Variants in RCSD1 observed in about 807,000 individuals in gnomAD.
RCSD1 encodes capZ-interacting protein.
A neutral mutation model predicts 42.5 loss-of-function variants in RCSD1; 26 were observed. The ratio of observed to expected loss-of-function variants is 0.61; its 90% CI spans 0.45 to 0.85. The LOEUF (loss-of-function observed/expected upper bound fraction) is 0.85, where lower values mean the gene tolerates loss of function less well. Among genes scored for constraint, RCSD1 ranks in the 40% least tolerant of loss-of-function variants. The probability of loss-of-function intolerance (pLI) is 0.00; values close to 1 mark genes in which losing one functional copy is unlikely to be tolerated. For missense variants in RCSD1, 571 were observed against 528.3 expected, an observed-to-expected ratio of 1.08 and a Z score of -0.79; for synonymous variants, 220 against 212.2, an observed-to-expected ratio of 1.04 and a Z score of -0.32.
intron 1 of RCSD1, among the ~76,000 whole-genome samples, chr1:167,681,011 A>T (rs777238316): frequency 2.0e-5 from 3 of 152,222 alleles, no homozygotes; most frequent in Non-Finnish European, 4.4e-5. Flanking sequence ...GAGAGGGGTT[A>T]GCAGCTGTAC....
intron 1 of RCSD1, chr1:167,641,398 C>T (rs1309169879): frequency 6.6e-6 from 1 of 152,126 alleles, no homozygotes; most frequent in Non-Finnish European, 1.5e-5. Flanking sequence ...TAGAGATGCA[C>T]CAAGACGCTA....
At position 167,639,901 on chromosome 1, in the gene RCSD1, G is replaced by A. The variant is rs148833254; in HGVS notation, c.6+9472G>A. 5.2e-3 allele frequency among the ~76,000 whole-genome samples: 794 copies of A among 152,322 alleles called. 5 individuals are homozygous for A. Among genetic ancestry groups the A allele is most frequent in the Middle Eastern group, 0.024 (7 of 294 alleles). ...TTGTTCTACTAGGCTTACTTTCTCCGATGCCCTCAAGGGGTCTTTCTGGGG... is the reference window on the plus strand; with the variant it reads ...TTGTTCTACTAGGCTTACTTTCTCCAATGCCCTCAAGGGGTCTTTCTGGGG... On this transcript the variant is annotated intron_variant, in intron 1 of 6. Coordinates refer to ENST00000367854, the MANE Select transcript of RCSD1 (RefSeq NM_052862.4).
At chr1:167,691,063 C>T (rs1307479718) in intron 4 of RCSD1, among the ~76,000 whole-genome samples, 1 of 152,214 alleles carries the variant, frequency 6.6e-6, no homozygotes, top group Admixed American at 6.5e-5. Context: ...CTGCCCGGCT[C>T]CTGCTGCTCA....
intron 1 of RCSD1, among the ~76,000 whole-genome samples, chr1:167,645,982 G>A (rs1658130504): frequency 6.6e-6 from 1 of 152,188 alleles, no homozygotes; most frequent in South Asian, 2.1e-4. Context: ...CCAGTTGAGA[G>A]GCCAAGGCAC....
intron 1 of RCSD1, among the ~76,000 whole-genome samples, chr1:167,636,514 C>T (rs1023813550): frequency 6.6e-6 from 1 of 152,226 alleles, no homozygotes; most frequent in African/African-American, 2.4e-5. Flanking sequence ...ACTACTCTTT[C>T]CCAGGCTGAA....
intron 5 of RCSD1, among the ~76,000 whole-genome samples, chr1:167,694,836 T>A (rs1379747581): frequency 6.6e-6 from 1 of 152,108 alleles, no homozygotes; most frequent in Admixed American, 6.5e-5. Context: ...CATGGCAGGG[T>A]GCATTTCTAC....
intron 1 of RCSD1, chr1:167,663,585 T>A (rs1229371): frequency 6.6e-6 from 1 of 152,180 alleles, no homozygotes; most frequent in Non-Finnish European, 1.5e-5. Context: ...CAGCTTGCTC[T>A]TGTGGTTCCA....
chr1:167,635,279 G>A (rs1657809241), intron 1 of RCSD1, among the ~76,000 whole-genome samples: 1 of 152,092 alleles, frequency 6.6e-6, no homozygotes, highest in South Asian at 2.1e-4. Flanking sequence ...AGTTTGGCTC[G>A]GTGGACTTGT....
chr1:167,680,609 T>C (rs1227748007), intron 1 of RCSD1, among the ~76,000 whole-genome samples: 1 of 152,044 alleles, frequency 6.6e-6, no homozygotes, highest in Non-Finnish European at 1.5e-5. Flanking sequence ...GCCTCCTGAG[T>C]AGCTGGGACC....
At chr1:167,672,738 T>C (rs149223667) in intron 1 of RCSD1, among the ~76,000 whole-genome samples, 1 of 152,224 alleles carries the variant, frequency 6.6e-6, no homozygotes, top group Non-Finnish European at 1.5e-5. Context: ...TAATCTAACA[T>C]ATTCACAGGT....
intron 1 of RCSD1, among the ~76,000 whole-genome samples, chr1:167,631,626 C>T (rs1438049750): frequency 4.6e-5 from 7 of 152,182 alleles, no homozygotes; most frequent in Non-Finnish European, 8.8e-5. Flanking sequence ...CTGGGACTAC[C>T]AGTGTGTACC....
chr1:167,654,442 G>T (rs1658378909), intron 1 of RCSD1, among the ~76,000 whole-genome samples: 1 of 152,180 alleles, frequency 6.6e-6, no homozygotes, highest in African/African-American at 2.4e-5. Flanking sequence ...ATGATTTTAT[G>T]TAAGGGCAGG....
intron 6 of RCSD1, among the ~76,000 whole-genome samples, chr1:167,701,544 G>A (rs1659647064): frequency 6.6e-6 from 1 of 151,904 alleles, no homozygotes; most frequent in African/African-American, 2.4e-5. Context: ...GACCTCAAGT[G>A]ATCTGCCCAC....
intron 1 of RCSD1, among the ~76,000 whole-genome samples, chr1:167,637,602 G>A (rs1676871670): frequency 6.6e-6 from 1 of 152,192 alleles, no homozygotes; most frequent in African/African-American, 2.4e-5. Flanking sequence ...CTGCCCCAAA[G>A]GCTCCTGCTA....
chr1:167,661,705 T>C (rs931283378), intron 1 of RCSD1, among the ~76,000 whole-genome samples: 3 of 152,194 alleles, frequency 2.0e-5, no homozygotes, highest in African/African-American at 7.2e-5. Context: ...GATTAATATA[T>C]ATAAAATCTT....
intron 1 of RCSD1, among the ~76,000 whole-genome samples, chr1:167,671,784 G>C (rs1044210231): frequency 6.6e-6 from 1 of 152,176 alleles, no homozygotes; most frequent in Non-Finnish European, 1.5e-5. Context: ...ACCTCAGATG[G>C]CCCTCAGGCC....
rs935876951 is a variant in RCSD1, at chr1:167,705,357, A to C, written c.*661A>C. 4 of 151,674 alleles carry C rather than the reference A, an allele frequency of 2.6e-5. No individual in the cohort carries two copies. Among genetic ancestry groups the C allele is most frequent in the African/African-American group, 9.7e-5 (4 of 41,370 alleles). 9.4% of individuals were successfully genotyped at this position (151,674 alleles called of 1,614,324 possible). A position where few individuals can be genotyped will look rare whatever the true frequency, so the allele number is the denominator to read the frequency against. On this transcript the variant is annotated 3_prime_UTR_variant, in exon 7 of 7. Transcript: ENST00000367854. ...TAAAAAAAAAAAGTGCTCCATTCGCAGGAGCTTTTCCTGTCCTGTGGTTTT... is the reference window on the plus strand; with the variant it reads ...TAAAAAAAAAAAGTGCTCCATTCGCCGGAGCTTTTCCTGTCCTGTGGTTTT...
intron 6 of RCSD1, among the ~76,000 whole-genome samples, chr1:167,700,503 T>A (rs1659613099): frequency 6.6e-6 from 1 of 151,560 alleles, no homozygotes; most frequent in Non-Finnish European, 1.5e-5. Flanking sequence ...AAAAAAAAAT[T>A]AGCCAGGCGT....
rs141752947 is a variant in RCSD1 at position 167,700,420 on chromosome 1, G to T, written c.1218+2578G>T. ...TCCCAGCACTTTGGGAGGCTGAGGC[G>T]GGTGGATCACAAGGTCAGGAGATCG... On this transcript the variant is annotated intron_variant, in intron 6 of 6. Coordinates refer to ENST00000367854, the MANE Select transcript of RCSD1 (RefSeq NM_052862.4). 4.2e-3 allele frequency among the ~76,000 whole-genome samples: 632 copies of T among 152,018 alleles called. 9 individuals carry two copies. Among genetic ancestry groups the T allele is most frequent in the African/African-American group, 0.015 (608 of 41,436 alleles).
Sources: allele counts gnomAD v4.1 joint callset (sites outside exome capture counted in the v4.1 genomes callset), GRCh38; gene constraint gnomAD v4.1.1; transcripts MANE v1.5; gene names NCBI Gene and HGNC (gene_info 2026-07-23, HGNC 2026-07-21).